Variants in GRM8 observed in about 807,000 individuals in gnomAD.
GRM8 encodes the protein metabotropic glutamate receptor 8.
A neutral mutation model predicts 87.2 loss-of-function variants in GRM8; 47 were observed. That is an observed-to-expected ratio of 0.54 (90% CI 0.43 to 0.69). The LOEUF is 0.69. Among genes scored for constraint, GRM8 ranks in the 30% least tolerant of loss-of-function variants. The probability of loss-of-function intolerance (pLI) is 0.00; values close to 1 mark genes in which losing one functional copy is unlikely to be tolerated. For missense variants in GRM8, 1,019 were observed against 1,139.2 expected (o/e 0.89, Z 1.52); for synonymous variants, 396 against 404.5 (o/e 0.98, Z 0.25).
intron 8 of GRM8, among the ~76,000 whole-genome samples, chr7:126,545,540 T>C (rs1817051861): frequency 6.6e-6 from 1 of 152,232 alleles, no homozygotes; most frequent in Non-Finnish European, 1.5e-5. Context: ...ATGTTTACCA[T>C]AAAAATTACT....
At chr7:126,654,906 A>G (rs6954055) in intron 7 of GRM8, among the ~76,000 whole-genome samples, 80,811 of 151,922 alleles carry the variant, frequency 0.53, 21,813 homozygotes, top group South Asian at 0.64. Flanking sequence ...AGTAGGAAAT[A>G]TTCAAGAAAA....
At chr7:127,189,720 T>A (rs1794920597) in intron 2 of GRM8, among the ~76,000 whole-genome samples, 1 of 152,102 alleles carries the variant, frequency 6.6e-6, no homozygotes, top group Non-Finnish European at 1.5e-5. Flanking sequence ...CTCTGTCTGG[T>A]TCATGAACAA....
At chr7:126,478,013 T>G (rs1806200724) in intron 9 of GRM8, among the ~76,000 whole-genome samples, 1 of 152,120 alleles carries the variant, frequency 6.6e-6, no homozygotes, top group South Asian at 2.1e-4. Flanking sequence ...CCACATGGCC[T>G]TCTCTTCTAC....
At chr7:126,729,669 T>C (rs1813386209) in intron 7 of GRM8, among the ~76,000 whole-genome samples, 1 of 152,198 alleles carries the variant, frequency 6.6e-6, no homozygotes, top group African/African-American at 2.4e-5. Flanking sequence ...TAGCCCTAAA[T>C]GAAGTGACTT....
intron 6 of GRM8, among the ~76,000 whole-genome samples, chr7:126,776,654 T>A (rs1819508284): frequency 6.6e-6 from 1 of 152,148 alleles, no homozygotes; most frequent in African/African-American, 2.4e-5. Flanking sequence ...TACGTTGGAG[T>A]AGAGCACCTT....
chr7:126,856,813 T>C (rs1797728196), intron 6 of GRM8, among the ~76,000 whole-genome samples: 1 of 152,222 alleles, frequency 6.6e-6, no homozygotes, highest in Non-Finnish European at 1.5e-5. Context: ...GGAATACCCA[T>C]CAAAGTGACA....
intron 6 of GRM8, among the ~76,000 whole-genome samples, chr7:126,831,754 T>C (rs1795402102): frequency 6.6e-6 from 1 of 152,174 alleles, no homozygotes; most frequent in African/African-American, 2.4e-5. Context: ...CAGATGGAAA[T>C]GCAGAAATCA....
intron 8 of GRM8, among the ~76,000 whole-genome samples, chr7:126,600,484 T>C (rs991743690): frequency 6.6e-6 from 1 of 152,284 alleles, no homozygotes; most frequent in East Asian, 1.9e-4. Flanking sequence ...TATCTTATAC[T>C]GATGCCCTGC....
At chr7:126,443,170 T>C (rs956013811) in intron 10 of GRM8, among the ~76,000 whole-genome samples, 1 of 151,946 alleles carries the variant, frequency 6.6e-6, no homozygotes, top group Non-Finnish European at 1.5e-5. Context: ...TTCATGAACA[T>C]AGCTTAAAGA....
At chr7:127,232,039 G>T (rs1797715244) in intron 2 of GRM8, among the ~76,000 whole-genome samples, 1 of 152,058 alleles carries the variant, frequency 6.6e-6, no homozygotes, top group African/African-American at 2.4e-5. Flanking sequence ...GATTTGGAAG[G>T]ATAGCAGTAC....
chr7:126,446,523 C>T (rs2150466290), intron 9 of GRM8, 151 bp from the exon 10 acceptor site: 2 of 597,396 alleles, frequency 3.3e-6, no homozygotes, highest in African/African-American at 1.9e-5. Flanking sequence ...TATAGTCAAC[C>T]ATTCCTGTGT....
At position 126,582,133 on chromosome 7, in the gene GRM8, T is replaced by C. The variant is rs552803536; in HGVS notation, c.1494+27229A>G. Among the ~76,000 whole-genome samples the C allele has an allele frequency of 6.1e-4, 93 of 152,260 alleles. 1 individual carries two copies. Among genetic ancestry groups the C allele is most frequent in the Middle Eastern group, 6.8e-3 (2 of 294 alleles). On this transcript the variant is annotated intron_variant, in intron 8 of 10. Transcript: ENST00000339582. Reference sequence around the variant, plus strand: ...TAAAAATTAGGCCTCTTCCACCAAATAGTTAACCAAGTTGTAAATGCAAAG... The same window carrying C: ...TAAAAATTAGGCCTCTTCCACCAAACAGTTAACCAAGTTGTAAATGCAAAG...
At chr7:126,764,802 G>A (rs543973032) in intron 7 of GRM8, among the ~76,000 whole-genome samples, 2 of 152,100 alleles carry the variant, frequency 1.3e-5, no homozygotes, top group African/African-American at 4.8e-5. Flanking sequence ...TTCTGAAGTT[G>A]ACTCTTCTCT....
At chr7:127,058,095 C>T (rs781687965) in intron 3 of GRM8, 21 of 497,038 alleles carry the variant, frequency 4.2e-5, no homozygotes, top group South Asian at 2.0e-4. Flanking sequence ...GGCGTTGTGA[C>T]GTCTTACGTC....
At chr7:127,138,624 A>C (rs1225357237) in intron 2 of GRM8, among the ~76,000 whole-genome samples, 1 of 152,146 alleles carries the variant, frequency 6.6e-6, no homozygotes. Flanking sequence ...ATTTGGGTTA[A>C]TAAAGCATTT....
At position 127,243,513 on chromosome 7, in the gene GRM8, T is replaced by C. The variant is rs1563605145; in HGVS notation, c.-309A>G. On this transcript the variant is annotated splice_region_variant and 5_prime_UTR_variant, in exon 2 of 11. Transcript: ENST00000339582. The stretch of plus-strand genomic sequence containing the variant: ...TGAAATCAGCCTTGTAGCAGAATTA[T>C]TCCTGGGAAGAGGGGAAAAAAGGGG... 1 of 326,244 alleles carries C rather than the reference T, an allele frequency of 3.1e-6. No homozygotes were observed. Among genetic ancestry groups the C allele is most frequent in the Non-Finnish European group, 5.6e-6 (1 of 179,754 alleles). 20.2% of individuals were successfully genotyped at this position (326,244 alleles called of 1,614,324 possible). A position where few individuals can be genotyped will look rare whatever the true frequency, so the allele number is the denominator to read the frequency against.
intron 7 of GRM8, among the ~76,000 whole-genome samples, chr7:126,735,622 G>A (rs993380643): frequency 2.0e-5 from 3 of 151,994 alleles, no homozygotes; most frequent in Non-Finnish European, 2.9e-5. Flanking sequence ...CACAAAGGAC[G>A]CCATGTTGTT....
intron 8 of GRM8, among the ~76,000 whole-genome samples, chr7:126,553,688 T>C (rs1792836918): frequency 6.6e-6 from 1 of 152,198 alleles, no homozygotes; most frequent in Non-Finnish European, 1.5e-5. Context: ...GACTCAGATA[T>C]TGAATGCTTA....
At chr7:126,614,496 C>T (rs1326858810) in intron 7 of GRM8, among the ~76,000 whole-genome samples, 1 of 152,188 alleles carries the variant, frequency 6.6e-6, no homozygotes, top group East Asian at 1.9e-4. Context: ...GAACGCAGCT[C>T]CTCACCAGCA....
Sources: gnomAD v4.1 joint callset for allele counts (sites outside exome capture counted in the v4.1 genomes callset) on GRCh38, gnomAD v4.1.1 for gene constraint, MANE v1.5 for transcripts, NCBI Gene and HGNC (gene_info 2026-07-23, HGNC 2026-07-21) for gene names.